The following ZNF804A variants were observed in gnomAD, a reference collection of about 807,000 sequenced individuals.
The protein encoded by ZNF804A is zinc finger protein 804A.
Under a neutral mutation model 16.5 loss-of-function variants are expected in ZNF804A, and 2 were observed. That is an observed-to-expected ratio of 0.12 (90% confidence interval 0.05 to 0.38). The LOEUF (loss-of-function observed/expected upper bound fraction) is 0.38, where lower values mean the gene tolerates loss of function less well. Among genes scored for constraint, ZNF804A ranks in the 10% least tolerant of loss-of-function variants. The probability of loss-of-function intolerance (pLI) is 0.99; values close to 1 mark genes in which losing one functional copy is unlikely to be tolerated. For synonymous variants in ZNF804A, 534 were observed against 489.6 expected, an observed-to-expected ratio of 1.09 and a Z score of -1.20; for missense variants, 1,473 against 1,390.7, an observed-to-expected ratio of 1.06 and a Z score of -0.94.
At position 184,892,483 on chromosome 2, in the gene ZNF804A, C is replaced by CTTT. The variant is rs869292193; in HGVS notation, c.255+25991_255+25993dup. Among the ~76,000 whole-genome samples, 743 of 105,694 alleles carry CTTT rather than the reference C, an allele frequency of 7.0e-3. 36 individuals carry two copies. Among genetic ancestry groups the CTTT allele is most frequent in the East Asian group, 0.037 (117 of 3,134 alleles). 69.3% of individuals were successfully genotyped at this position (105,694 alleles called of 152,430 possible). On this transcript the variant is annotated intron_variant, in intron 2 of 3. Transcript: ENST00000302277. ...CTTCTATTCCTCACATTGTTGTGTT[C>CTTT]TTTTTTTTTTTTTTTTTTTTTTATG...
At chr2:184,615,206 A>G (rs1691299945) in intron 1 of ZNF804A, among the ~76,000 whole-genome samples, 1 of 152,238 alleles carries the variant, frequency 6.6e-6, no homozygotes, top group South Asian at 2.1e-4. Flanking sequence ...CTATGCAGCC[A>G]TAAAAAAGGA....
rs553210290 is a variant in ZNF804A at position 184,935,142 on chromosome 2, G to A, written c.387-641G>A. The stretch of plus-strand genomic sequence containing the variant: ...AAATAAGTTATATTTTAAGTGAATT[G>A]TCTTTTATCTTGCATTTACTGCATG... On this transcript the variant is annotated intron_variant, in intron 3 of 3. Coordinates refer to ENST00000302277, the MANE Select transcript of ZNF804A (RefSeq NM_194250.2). 2.2e-4 allele frequency among the ~76,000 whole-genome samples: 34 copies of A among 152,182 alleles called. 1 individual carries two copies. The highest frequency in any genetic ancestry group is 7.9e-4 in the African/African-American group (33 of 41,566).
chr2:184,803,422 AATTGTTTTT>A (rs1558966129), intron 1 of ZNF804A, among the ~76,000 whole-genome samples: 2 of 151,626 alleles, frequency 1.3e-5, no homozygotes, highest in African/African-American at 2.4e-5. Flanking sequence ...AACTTTTTTT[AATTGTTTTT>A]ATTGTCTTTC....
At chr2:184,880,823 T>A (rs1684798804) in intron 2 of ZNF804A, among the ~76,000 whole-genome samples, 1 of 152,082 alleles carries the variant, frequency 6.6e-6, no homozygotes, top group South Asian at 2.1e-4. Context: ...ATTCACTCTT[T>A]TATAACAACA....
At chr2:184,663,883 A>C (rs1692218256) in intron 1 of ZNF804A, among the ~76,000 whole-genome samples, 1 of 152,222 alleles carries the variant, frequency 6.6e-6, no homozygotes, top group Non-Finnish European at 1.5e-5. Flanking sequence ...ACAAAGCTTA[A>C]TTCAACAGTT....
At chr2:184,912,818 A>G (rs958269778) in intron 2 of ZNF804A, among the ~76,000 whole-genome samples, 2 of 152,182 alleles carry the variant, frequency 1.3e-5, no homozygotes, top group South Asian at 2.1e-4. Flanking sequence ...TTGTTTACAT[A>G]TTCTGGATAC....
intron 1 of ZNF804A, among the ~76,000 whole-genome samples, chr2:184,644,770 C>T (rs934711957): frequency 6.6e-6 from 1 of 152,040 alleles, no homozygotes; most frequent in Middle Eastern, 3.4e-3. Flanking sequence ...TCATACCTTG[C>T]TTTTCATTTT....
At chr2:184,700,473 G>A (rs1692901248) in intron 1 of ZNF804A, among the ~76,000 whole-genome samples, 1 of 152,040 alleles carries the variant, frequency 6.6e-6, no homozygotes, top group Admixed American at 6.6e-5. Flanking sequence ...CCATTTCAAA[G>A]TGATGAAAGT....
chr2:184,675,965 TA>T (rs955359125), intron 1 of ZNF804A, among the ~76,000 whole-genome samples: 5 of 151,614 alleles, frequency 3.3e-5, no homozygotes, highest in African/African-American at 1.2e-4. Flanking sequence ...GAACATTTAT[TA>T]AAAAAAATTC....
chr2:184,798,496 T>C (rs1488551660), intron 1 of ZNF804A, among the ~76,000 whole-genome samples: 1 of 152,100 alleles, frequency 6.6e-6, no homozygotes, highest in Non-Finnish European at 1.5e-5. Context: ...CTTTGAGCTC[T>C]GAATTTCTTT....
At chr2:184,878,806 T>A (rs1429508838) in intron 2 of ZNF804A, among the ~76,000 whole-genome samples, 1 of 152,038 alleles carries the variant, frequency 6.6e-6, no homozygotes, top group East Asian at 1.9e-4. Flanking sequence ...CCTATTATTA[T>A]TGTTGATAAT....
intron 1 of ZNF804A, among the ~76,000 whole-genome samples, chr2:184,820,789 C>A (rs1249631967): frequency 6.6e-6 from 1 of 151,818 alleles, no homozygotes; most frequent in Non-Finnish European, 1.5e-5. Context: ...AGTAGGGAAC[C>A]AAAACATGAA....
chr2:184,762,515 A>G (rs2105764040), intron 1 of ZNF804A, among the ~76,000 whole-genome samples: 1 of 151,956 alleles, frequency 6.6e-6, no homozygotes, highest in East Asian at 1.9e-4. Flanking sequence ...TAAATGGCAA[A>G]TATTTGCCTA....
At chr2:184,819,598 G>A (rs529853978) in intron 1 of ZNF804A, among the ~76,000 whole-genome samples, 11 of 151,100 alleles carry the variant, frequency 7.3e-5, no homozygotes, top group South Asian at 4.2e-4. Flanking sequence ...ATGGAGACAC[G>A]AAGAACCCTT....
chr2:184,849,673 T>C (rs534231891), intron 1 of ZNF804A, among the ~76,000 whole-genome samples: 125 of 152,140 alleles, frequency 8.2e-4, no homozygotes, highest in African/African-American at 2.9e-3. Context: ...GAGGATAGTA[T>C]TGAAGTGCTT....
chr2:184,780,855 A>T (rs1370916952), intron 1 of ZNF804A, among the ~76,000 whole-genome samples: 1 of 151,772 alleles, frequency 6.6e-6, no homozygotes, highest in South Asian at 2.1e-4. Context: ...CTCTGTCCTT[A>T]ACTTCAGCAG....
At chr2:184,934,829 A>G (rs1174629106) in intron 3 of ZNF804A, among the ~76,000 whole-genome samples, 1 of 152,166 alleles carries the variant, frequency 6.6e-6, no homozygotes, top group East Asian at 1.9e-4. Context: ...CCACACATAC[A>G]TGATTTTCCC....
At chr2:184,710,907 T>C (rs961746526) in intron 1 of ZNF804A, among the ~76,000 whole-genome samples, 2 of 151,894 alleles carry the variant, frequency 1.3e-5, no homozygotes, top group Admixed American at 6.6e-5. Flanking sequence ...CATTTATCCA[T>C]TGATGGACAT....
intron 1 of ZNF804A, among the ~76,000 whole-genome samples, chr2:184,603,863 CT>C (rs751084190): frequency 6.6e-6 from 1 of 152,050 alleles, no homozygotes; most frequent in Non-Finnish European, 1.5e-5. Context: ...GTCATATATT[CT>C]TGCTCTGTTG....
Sources: allele counts gnomAD v4.1 joint callset (sites outside exome capture counted in the v4.1 genomes callset), GRCh38; gene constraint gnomAD v4.1.1; transcripts MANE v1.5; gene names NCBI Gene and HGNC (gene_info 2026-07-23, HGNC 2026-07-21).